Variants in UGT2B7 observed in about 807,000 individuals in gnomAD.
The protein encoded by UGT2B7 is UDP glucuronosyltransferase family 2 member B7.
A neutral mutation model predicts 51.9 loss-of-function variants in UGT2B7; 51 were observed. That is an observed-to-expected ratio of 0.98 (90% CI 0.78 to 1.24). UGT2B7 has a LOEUF of 1.24. UGT2B7 is among the 50% of genes most tolerant of loss of function. The probability of loss-of-function intolerance (pLI) is 0.00; values close to 1 mark genes in which losing one functional copy is unlikely to be tolerated. For missense variants in UGT2B7, 727 were observed against 628.4 expected (o/e 1.16, Z -1.68); for synonymous variants, 225 against 211.6 (o/e 1.06, Z -0.55).
chr4:69,082,532 C>A (rs148152049), intron 1 of UGT2B7, among the ~76,000 whole-genome samples: 1 of 151,988 alleles, frequency 6.6e-6, no homozygotes, highest in Non-Finnish European at 1.5e-5. Context: ...TATATCAAAC[C>A]AGCCACAATC....
chr4:69,107,927 G>T lies in UGT2B7; in HGVS notation c.1091-176G>T, dbSNP rs372595294. Reference sequence around the variant, plus strand: ...TTTGCAGTCTGAAGTCACACACACCGTATAGCCTTCAGTTACATACCCAGT... The same window carrying T: ...TTTGCAGTCTGAAGTCACACACACCTTATAGCCTTCAGTTACATACCCAGT... On this transcript the variant is annotated intron_variant, in intron 4 of 5. Coordinates refer to ENST00000305231, the MANE Select transcript of UGT2B7 (RefSeq NM_001074.4). Among the ~76,000 whole-genome samples the T allele has an allele frequency of 5.9e-5, 9 of 152,166 alleles. No individual in the cohort carries two copies. In the East Asian group the frequency reaches 9.6e-4, roughly 16 times the overall value.
At position 69,096,499 on chromosome 4, in the gene UGT2B7, A is replaced by G; in HGVS notation, c.-22A>G. Reference sequence around the variant, plus strand: ...GACAGAAAGGAACAGCAACTGGAAAACAAGCATTGCATTGCACCAGGATGT... The same window carrying G: ...GACAGAAAGGAACAGCAACTGGAAAGCAAGCATTGCATTGCACCAGGATGT... On this transcript the variant is annotated 5_prime_UTR_variant, in exon 1 of 6. Transcript: ENST00000305231. The G allele has an allele frequency of 1.2e-6, 2 of 1,611,628 alleles. No homozygotes were observed. Among genetic ancestry groups the G allele is most frequent in the South Asian group, 1.1e-5 (1 of 90,406 alleles).
chr4:69,094,962 T>C (rs1719182163), upstream of UGT2B7, among the ~76,000 whole-genome samples: 1 of 152,226 alleles, frequency 6.6e-6, no homozygotes, highest in South Asian at 2.1e-4. Context: ...CCTCCAAAAG[T>C]AGTAACTCCT....
Position 69,098,688 on chromosome 4 carries a change from G to A in UGT2B7, c.870G>A (p.Lys290=). 12 of 1,606,904 alleles carry A rather than the reference G, an allele frequency of 7.5e-6. No individual in the cohort carries two copies. The highest frequency in any genetic ancestry group is 9.3e-6 in the Non-Finnish European group (11 of 1,177,676). ...GCAAACCTGCCAAACCCCTGCCTAA[G>A]GTAAACATACTTTTGTTGGTTTTAT... The part of the protein sequence containing the change: ...LHCKPAKPLP[K]EMEDFVQSSG... The change falls in exon 2 of 6, where the codon AAG becomes AAA. Residue 290 remains lysine, a splice_region_variant and synonymous_variant. Transcript: ENST00000305231.
chr4:69,081,321 T>C (rs1365118236), intron 1 of UGT2B7, among the ~76,000 whole-genome samples: 1 of 151,414 alleles, frequency 6.6e-6, no homozygotes, highest in Non-Finnish European at 1.5e-5. Flanking sequence ...GCCACAGCCC[T>C]ATAATCTCAT....
chr4:69,098,389 TA>T, intron 1 of UGT2B7, 150 bp from the exon 2 acceptor site: 3 of 779,808 alleles, frequency 3.8e-6, no homozygotes, highest in Non-Finnish European at 5.4e-6. Flanking sequence ...TACATAAAAT[TA>T]AATTATATCT....
intron 1 of UGT2B7, chr4:69,069,901 T>G (rs970215424): frequency 1.1e-4 from 17 of 152,126 alleles, no homozygotes; most frequent in African/African-American, 4.1e-4. Flanking sequence ...CTTTTTGAGA[T>G]CTAAGGCAGG....
At chr4:69,084,589 G>A (rs190995596) in intron 1 of UGT2B7, among the ~76,000 whole-genome samples, 144 of 152,038 alleles carry the variant, frequency 9.5e-4, no homozygotes, top group African/African-American at 3.3e-3. Context: ...CACGAATTAG[G>A]TATTTGTCCT....
At chr4:69,103,819 A>G (rs1237723444) in intron 3 of UGT2B7, among the ~76,000 whole-genome samples, 5 of 152,216 alleles carry the variant, frequency 3.3e-5, no homozygotes, top group Non-Finnish European at 5.9e-5. Context: ...ATGCTTGTAT[A>G]AAATACGTGA....
At chr4:69,076,801 T>C (rs1360153592) in intron 1 of UGT2B7, among the ~76,000 whole-genome samples, 1 of 152,204 alleles carries the variant, frequency 6.6e-6, no homozygotes, top group Non-Finnish European at 1.5e-5. Context: ...ATCCCATTTG[T>C]GTATTTTGGC....
chr4:69,073,393 A>G (rs1287138379), intron 1 of UGT2B7, among the ~76,000 whole-genome samples: 1 of 152,150 alleles, frequency 6.6e-6, no homozygotes, highest in Non-Finnish European at 1.5e-5. Flanking sequence ...GATTTTTTCA[A>G]GTTACATTTT....
At chr4:69,064,134 A>C (rs1263440145) in intron 1 of UGT2B7, among the ~76,000 whole-genome samples, 1 of 151,750 alleles carries the variant, frequency 6.6e-6, no homozygotes, top group East Asian at 1.9e-4. Flanking sequence ...GAAAGAAAGA[A>C]AGAAAAACAA....
intron 1 of UGT2B7, among the ~76,000 whole-genome samples, chr4:69,083,377 T>A (rs1016373017): frequency 5.9e-5 from 9 of 152,124 alleles, no homozygotes; most frequent in Non-Finnish European, 1.3e-4. Context: ...CAGAGTAAAT[T>A]GTAAACCTTC....
At chr4:69,109,139 T>C (rs1324066612) in intron 5 of UGT2B7, among the ~76,000 whole-genome samples, 15 of 152,140 alleles carry the variant, frequency 9.9e-5, no homozygotes, top group African/African-American at 3.6e-4. Flanking sequence ...AGATATGTCA[T>C]ATTTTAGTTG....
intron 3 of UGT2B7, 146 bp from the exon 4 acceptor site, chr4:69,107,029 A>G (rs1222031392): frequency 4.7e-6 from 4 of 856,168 alleles, no homozygotes; most frequent in Non-Finnish European, 6.6e-6. Flanking sequence ...TGAGAAAATT[A>G]ATGTGAGTAT....
At chr4:69,073,827 A>G (rs1017239173) in intron 1 of UGT2B7, among the ~76,000 whole-genome samples, 1 of 152,158 alleles carries the variant, frequency 6.6e-6, no homozygotes, top group African/African-American at 2.4e-5. Context: ...GTTTACTGAC[A>G]ATTTCTAGAG....
intron 5 of UGT2B7, among the ~76,000 whole-genome samples, 199 bp downstream of exon 5, chr4:69,108,521 T>A (rs1288257971): frequency 6.6e-6 from 1 of 152,116 alleles, no homozygotes; most frequent in Non-Finnish European, 1.5e-5. Context: ...AATAGCCAGT[T>A]AGTGAAACAA....
intron 1 of UGT2B7, among the ~76,000 whole-genome samples, chr4:69,059,773 T>C (rs1489559544): frequency 6.6e-6 from 1 of 152,226 alleles, no homozygotes; most frequent in Non-Finnish European, 1.5e-5. Flanking sequence ...CTCTTGCCAG[T>C]GCGGAAGCCG....
chr4:69,075,310 G>C (rs1718679504), intron 1 of UGT2B7, among the ~76,000 whole-genome samples: 1 of 152,108 alleles, frequency 6.6e-6, no homozygotes. Flanking sequence ...TAATTTGGAA[G>C]ACTGTGTTAG....
Sources: allele counts gnomAD v4.1 joint callset (sites outside exome capture counted in the v4.1 genomes callset), GRCh38; gene constraint gnomAD v4.1.1; transcripts MANE v1.5; gene names NCBI Gene and HGNC (gene_info 2026-07-23, HGNC 2026-07-21).